PCDH15: variants seen among roughly 807,000 people sequenced by gnomAD.
The protein encoded by PCDH15 is protocadherin related 15, also known as protocadherin-15.
A neutral mutation model predicts 178.5 loss-of-function variants in PCDH15; 129 were observed. That is an observed-to-expected ratio of 0.72 (90% CI 0.63 to 0.84). The LOEUF (loss-of-function observed/expected upper bound fraction) is 0.84, where lower values mean the gene tolerates loss of function less well. PCDH15 is among the 40% of genes least tolerant of loss of function. The probability of loss-of-function intolerance (pLI) is 0.00; values close to 1 mark genes in which losing one functional copy is unlikely to be tolerated. For synonymous variants in PCDH15, 800 were observed against 732.0 expected, an observed-to-expected ratio of 1.09 and a Z score of -1.50; for missense variants, 2,230 against 2,099.9, an observed-to-expected ratio of 1.06 and a Z score of -1.21.
intron 2 of PCDH15, among the ~76,000 whole-genome samples, chr10:55,418,094 C>T (rs1308413882): frequency 6.6e-6 from 1 of 151,334 alleles, no homozygotes; most frequent in Non-Finnish European, 1.5e-5. Context: ...GCATCTAAAT[C>T]ATAACAAAAG....
chr10:55,388,951 C>T (rs766004191), intron 2 of PCDH15, among the ~76,000 whole-genome samples: 7 of 152,058 alleles, frequency 4.6e-5, no homozygotes, highest in Non-Finnish European at 8.8e-5. Flanking sequence ...TGAGTTCCTT[C>T]TCTGAATGAT....
In PCDH15 at chr10:54,146,476, G is replaced by A. The variant is rs955466736; in HGVS notation, c.1784+6624C>T. The stretch of plus-strand genomic sequence containing the variant: ...AGTAAATATTTACTTAATTTAATTG[G>A]ATAACGTAAGTATAAGTTAACCAAT... On this transcript the variant is annotated intron_variant, in intron 14 of 37. Coordinates refer to ENST00000644397, the MANE Select transcript of PCDH15 (RefSeq NM_001384140.1). Among the ~76,000 whole-genome samples, 10 of 151,726 alleles carry A rather than the reference G, an allele frequency of 6.6e-5. No homozygotes were observed. The East Asian group carries it at 1.9e-3, about 29-fold the overall frequency.
chr10:54,859,183 A>G (rs1251531426), intron 3 of PCDH15, among the ~76,000 whole-genome samples: 1 of 152,090 alleles, frequency 6.6e-6, no homozygotes, highest in African/African-American at 2.4e-5. Context: ...AAGAAATATG[A>G]AGCTGATTCC....
intron 3 of PCDH15, among the ~76,000 whole-genome samples, chr10:54,518,715 G>T (rs1201057037): frequency 1.3e-5 from 2 of 152,142 alleles, no homozygotes; most frequent in Non-Finnish European, 2.9e-5. Flanking sequence ...ATTTTATGAG[G>T]CCAGCATCAT....
chr10:55,136,779 A>T (rs1838207996), intron 2 of PCDH15, among the ~76,000 whole-genome samples: 1 of 152,162 alleles, frequency 6.6e-6, no homozygotes, highest in South Asian at 2.1e-4. Flanking sequence ...AAATACTATA[A>T]CCAGTTTAAC....
At chr10:53,847,213 C>T (rs2078031767) in intron 28 of PCDH15, among the ~76,000 whole-genome samples, 1 of 152,014 alleles carries the variant, frequency 6.6e-6, no homozygotes, top group African/African-American at 2.4e-5. Context: ...TAAATGTTGG[C>T]TACCTGTTGT....
chr10:54,355,733 T>C lies in PCDH15; in HGVS notation c.475-9249A>G, dbSNP rs1183478431. Among the ~76,000 whole-genome samples the C allele has an allele frequency of 2.6e-5, 4 of 152,090 alleles. No homozygotes were observed. In the East Asian group the frequency reaches 5.8e-4, roughly 22 times the overall value. On this transcript the variant is annotated intron_variant, in intron 5 of 37. Transcript: ENST00000644397. ...GTACCTGCATTTTAGGAAACTCTTC[T>C]TCAAATAATTATTACTGTCAGAAAA...
At position 53,852,030 on chromosome 10, in the gene PCDH15, TCTAA is replaced by T. The variant is rs1464882551; in HGVS notation, c.3806+5141_3806+5144del. On this transcript the variant is annotated intron_variant, in intron 28 of 37. Coordinates refer to ENST00000644397, the MANE Select transcript of PCDH15 (RefSeq NM_001384140.1). ...TCAGTTCCGATTCATACAAAAATACTCTAACTCAGTGTTTCTAAACTCGAGTTTA... is the reference window on the plus strand; with the variant it reads ...TCAGTTCCGATTCATACAAAAATACTCTCAGTGTTTCTAAACTCGAGTTTA... Among the ~76,000 whole-genome samples, 11 of 152,124 alleles carry T rather than the reference TCTAA, an allele frequency of 7.2e-5. No homozygotes were observed. The East Asian group carries it at 9.7e-4, about 13-fold the overall frequency.
intron 2 of PCDH15, among the ~76,000 whole-genome samples, chr10:55,016,504 T>G (rs565285378): frequency 2.0e-5 from 3 of 152,146 alleles, no homozygotes; most frequent in Admixed American, 2.0e-4. Context: ...TGAGAACATG[T>G]AAAGTATGTC....
intron 1 of PCDH15, among the ~76,000 whole-genome samples, chr10:54,673,135 G>A (rs964449427): frequency 2.0e-4 from 30 of 151,806 alleles, no homozygotes; most frequent in Middle Eastern, 3.4e-3. Context: ...GGTTTGTTAC[G>A]TGGGTATACA....
At chr10:55,570,931 C>CT in intron 2 of PCDH15, among the ~76,000 whole-genome samples, 1 of 152,076 alleles carries the variant, frequency 6.6e-6, no homozygotes, top group South Asian at 2.1e-4. Flanking sequence ...CATGTTAAAA[C>CT]TTTTTTAAGG....
rs997126306 is a variant in PCDH15, at chr10:54,218,091, A to C, written c.986-4043T>G. On this transcript the variant is annotated intron_variant, in intron 9 of 37. Coordinates refer to ENST00000644397, the MANE Select transcript of PCDH15 (RefSeq NM_001384140.1). ...CTAGAGAAATATTTTGTAAATTAGA[A>C]AATAAGAAAACAGAGCATGCTTTTT... 2.9e-4 allele frequency among the ~76,000 whole-genome samples: 44 copies of C among 152,224 alleles called. 1 individual carries two copies. The highest frequency in any genetic ancestry group is 7.3e-5 in the Non-Finnish European group (5 of 68,032).
At chr10:55,420,014 T>C (rs2132044233) in intron 2 of PCDH15, among the ~76,000 whole-genome samples, 1 of 151,864 alleles carries the variant, frequency 6.6e-6, no homozygotes, top group African/African-American at 2.4e-5. Flanking sequence ...TTAGTAATAT[T>C]GTTAAACATT....
chr10:54,124,732 TA>T (rs1325172867), intron 15 of PCDH15, among the ~76,000 whole-genome samples: 1 of 152,202 alleles, frequency 6.6e-6, no homozygotes, highest in African/African-American at 2.4e-5. Flanking sequence ...TCATGAATCA[TA>T]AACTCCTGTA....
chr10:54,936,365 G>A (rs371344507), intron 2 of PCDH15, among the ~76,000 whole-genome samples: 2 of 151,856 alleles, frequency 1.3e-5, no homozygotes, highest in African/African-American at 2.4e-5. Context: ...GTGTATAGTC[G>A]CATGTTTTCC....
chr10:55,270,510 A>G (rs76538191), intron 1 of PCDH15, among the ~76,000 whole-genome samples: 1 of 152,196 alleles, frequency 6.6e-6, no homozygotes, highest in East Asian at 1.9e-4. Flanking sequence ...GCAAAAGAAG[A>G]CTTACAAGCA....
At chr10:54,691,181 T>G (rs2095114108) in intron 1 of PCDH15, among the ~76,000 whole-genome samples, 2 of 152,184 alleles carry the variant, frequency 1.3e-5, no homozygotes, top group Non-Finnish European at 2.9e-5. Flanking sequence ...TAGAAATGTC[T>G]CTGAAAACTC....
intron 1 of PCDH15, among the ~76,000 whole-genome samples, chr10:55,208,626 C>T (rs532987618): frequency 6.6e-6 from 1 of 152,044 alleles, no homozygotes; most frequent in South Asian, 2.1e-4. Flanking sequence ...TGTAGGACTC[C>T]TTAGCCAGGA....
At chr10:54,674,004 G>T (rs906839419) in intron 1 of PCDH15, among the ~76,000 whole-genome samples, 2 of 152,018 alleles carry the variant, frequency 1.3e-5, no homozygotes, top group African/African-American at 2.4e-5. Flanking sequence ...TATCAGAGGG[G>T]TCATATTTCA....
Sources: allele counts gnomAD v4.1 joint callset (sites outside exome capture counted in the v4.1 genomes callset), GRCh38; gene constraint gnomAD v4.1.1; transcripts MANE v1.5; gene names NCBI Gene and HGNC (gene_info 2026-07-23, HGNC 2026-07-21).